The following RNLS variants were observed in gnomAD, a reference collection of about 807,000 sequenced individuals.
RNLS encodes the protein renalase.
Under a neutral mutation model 39.8 loss-of-function variants are expected in RNLS, and 39 were observed. The ratio of observed to expected loss-of-function variants is 0.98; its 90% CI spans 0.76 to 1.28. The LOEUF is 1.28. Ranked by LOEUF, RNLS falls within the 50% of genes most tolerant of loss-of-function variation. The probability of loss-of-function intolerance (pLI) is 0.00; values close to 1 mark genes in which losing one functional copy is unlikely to be tolerated. For missense variants in RNLS, 410 were observed against 413.3 expected (o/e 0.99, Z 0.07); for synonymous variants, 147 against 150.7 (o/e 0.98, Z 0.18).
At chr10:88,417,465 T>C (rs1422246705) in intron 4 of RNLS, among the ~76,000 whole-genome samples, 1 of 152,178 alleles carries the variant, frequency 6.6e-6, no homozygotes, top group Non-Finnish European at 1.5e-5. Context: ...TTTTTATCAG[T>C]AAAACTTTAC....
chr10:88,288,385 C>T (rs565866945), intron 6 of RNLS, among the ~76,000 whole-genome samples: 8 of 152,102 alleles, frequency 5.3e-5, no homozygotes, highest in African/African-American at 9.6e-5. Context: ...CATAAAGACT[C>T]GATGAAGTAA....
At chr10:88,372,107 G>A (rs1850604336) in intron 4 of RNLS, among the ~76,000 whole-genome samples, 1 of 152,074 alleles carries the variant, frequency 6.6e-6, no homozygotes, top group African/African-American at 2.4e-5. Context: ...TTAGAAGCAA[G>A]TTCTTCAGCT....
intron 6 of RNLS, among the ~76,000 whole-genome samples, chr10:88,297,183 G>A (rs1297583522): frequency 1.3e-5 from 2 of 152,046 alleles, no homozygotes; most frequent in African/African-American, 4.8e-5. Context: ...TGGGTCACGT[G>A]GTAAGTGCAT....
At chr10:88,484,842 G>C (rs534290081) in intron 4 of RNLS, among the ~76,000 whole-genome samples, 46 of 151,988 alleles carry the variant, frequency 3.0e-4, no homozygotes, top group Non-Finnish European at 5.5e-4. Flanking sequence ...GACATTTAAA[G>C]TATGGCAAAA....
chr10:88,556,288 A>AAT (rs1848871218), intron 4 of RNLS, among the ~76,000 whole-genome samples: 1 of 152,146 alleles, frequency 6.6e-6, no homozygotes, highest in African/African-American at 2.4e-5. Context: ...AACCCTTTAG[A>AAT]ATTGATGCAA....
chr10:88,256,410 G>A, the RNLS span, among the ~76,000 whole-genome samples: 1 of 152,170 alleles, frequency 6.6e-6, no homozygotes, highest in African/African-American at 2.4e-5. Context: ...ACATTTAGTC[G>A]GACAACTCCC....
chr10:88,533,028 A>G (rs1661102162), intron 4 of RNLS, among the ~76,000 whole-genome samples: 1 of 152,096 alleles, frequency 6.6e-6, no homozygotes, highest in Non-Finnish European at 1.5e-5. Flanking sequence ...TCTGTCATAC[A>G]ATTGTTAGAA....
chr10:88,573,496 A>T (rs1199414250), intron 3 of RNLS, among the ~76,000 whole-genome samples: 3 of 152,216 alleles, frequency 2.0e-5, no homozygotes, highest in Admixed American at 6.5e-5. Context: ...TTCAGTAAAC[A>T]TGTGTGTTAG....
chr10:88,366,811 C>T (rs534158945), intron 4 of RNLS, among the ~76,000 whole-genome samples: 1 of 151,456 alleles, frequency 6.6e-6, no homozygotes, highest in Non-Finnish European at 1.5e-5. Flanking sequence ...CTGATGTTAA[C>T]CAATTTACCT....
the RNLS span, among the ~76,000 whole-genome samples, chr10:88,242,127 A>G: frequency 2.6e-5 from 4 of 152,192 alleles, no homozygotes; most frequent in Non-Finnish European, 5.9e-5. Flanking sequence ...TAAACTGGAA[A>G]GGCAAAAAAT....
At chr10:88,528,425 G>T (rs1478645041) in intron 4 of RNLS, among the ~76,000 whole-genome samples, 1 of 152,140 alleles carries the variant, frequency 6.6e-6, no homozygotes, top group Non-Finnish European at 1.5e-5. Context: ...CAAACAAGGG[G>T]ATAAAGAAAG....
At chr10:88,326,444 TA>T (rs1444565447) in intron 5 of RNLS, among the ~76,000 whole-genome samples, 1 of 152,182 alleles carries the variant, frequency 6.6e-6, no homozygotes, top group Non-Finnish European at 1.5e-5. Flanking sequence ...GTCCCTGCCC[TA>T]GAGATGTGTG....
At chr10:88,245,255 A>G in the RNLS span, among the ~76,000 whole-genome samples, 2 of 152,192 alleles carry the variant, frequency 1.3e-5, no homozygotes, top group African/African-American at 4.8e-5. Flanking sequence ...CTCCCTAATG[A>G]TCACAAATAG....
intron 4 of RNLS, among the ~76,000 whole-genome samples, chr10:88,531,140 G>A (rs758076592): frequency 6.6e-6 from 1 of 152,040 alleles, no homozygotes; most frequent in African/African-American, 2.4e-5. Context: ...TATAAGTAGA[G>A]GAACCAATCA....
the RNLS span, among the ~76,000 whole-genome samples, chr10:88,193,141 C>T: frequency 6.6e-6 from 1 of 152,304 alleles, no homozygotes. Context: ...CATCTCTTAC[C>T]TGTCACCCAC....
chr10:88,210,171 A>G, the RNLS span, among the ~76,000 whole-genome samples: 3 of 152,220 alleles, frequency 2.0e-5, no homozygotes, highest in Non-Finnish European at 4.4e-5. Context: ...TCTATATTAT[A>G]TGGGATTCTT....
chr10:88,244,611 AAC>A, the RNLS span, among the ~76,000 whole-genome samples: 2 of 152,162 alleles, frequency 1.3e-5, no homozygotes, highest in Non-Finnish European at 2.9e-5. Context: ...AATATGTATA[AAC>A]CCTGCTGTAT....
At chr10:88,445,458 C>T (rs1223706578) in intron 4 of RNLS, among the ~76,000 whole-genome samples, 1 of 152,186 alleles carries the variant, frequency 6.6e-6, no homozygotes. Context: ...CAAATTCACA[C>T]ATAACAATAT....
intron 4 of RNLS, among the ~76,000 whole-genome samples, chr10:88,428,758 A>G (rs1854966258): frequency 6.6e-6 from 1 of 151,976 alleles, no homozygotes; most frequent in Non-Finnish European, 1.5e-5. Flanking sequence ...CATCAGAGGA[A>G]TATCAGATCA....
Sources: allele counts gnomAD v4.1 joint callset (sites outside exome capture counted in the v4.1 genomes callset), GRCh38; gene constraint gnomAD v4.1.1; transcripts MANE v1.5; gene names NCBI Gene and HGNC (gene_info 2026-07-23, HGNC 2026-07-21).